MIPEP: variants seen among roughly 807,000 people sequenced by gnomAD.
MIPEP encodes mitochondrial intermediate peptidase.
MIPEP carries 79 observed loss-of-function variants against 90.3 expected under a neutral mutation model. The observed-to-expected ratio is 0.87, with a 90% CI of 0.73 to 1.05. The LOEUF (loss-of-function observed/expected upper bound fraction) is 1.05. Among genes scored for constraint, MIPEP ranks in the 50% least tolerant of loss-of-function variants. The probability of loss-of-function intolerance (pLI) is 0.00; values close to 1 mark genes in which losing one functional copy is unlikely to be tolerated. For missense variants in MIPEP, 940 were observed against 905.6 expected, an observed-to-expected ratio of 1.04 and a Z score of -0.49; for synonymous variants, 334 against 315.8, an observed-to-expected ratio of 1.06 and a Z score of -0.61.
intron 18 of MIPEP, chr13:23,747,487 G>C: frequency 2.1e-6 from 1 of 486,026 alleles, no homozygotes; most frequent in South Asian, 1.5e-5. Context: ...GCAGAACCAA[G>C]CACTGTACTA....
At position 23,874,860 on chromosome 13, in the gene MIPEP, G is replaced by C; in HGVS notation, c.589C>G (p.Leu197Val). 3.1e-6 allele frequency: 5 copies of C among 1,598,720 alleles called. No individual in the cohort carries two copies. The highest frequency in any genetic ancestry group is 3.4e-6 in the Non-Finnish European group (4 of 1,175,116). The change falls in exon 5 of 19, where the codon CTA (leucine) becomes GTA (valine). Residue 197 changes from leucine (L) to valine (V), a missense_variant. Transcript: ENST00000382172. ...MFDFEISGIHLDKEKRKRAVD... is the reference protein window; with the variant it reads ...MFDFEISGIHVDKEKRKRAVD... ...GAAAGATGTACCTTTTCTTTGTCTA[G>C]ATGGATTCCACTAATTTCAAAATCA...
At chr13:23,864,563 C>A (rs1870445772) in intron 7 of MIPEP, among the ~76,000 whole-genome samples, 2 of 151,870 alleles carry the variant, frequency 1.3e-5, no homozygotes, top group Admixed American at 1.3e-4. Flanking sequence ...GGCTGAAACC[C>A]CGTCTCTACC....
chr13:23,889,103 C>CT, intron 1 of MIPEP, 29 bp downstream of exon 1: 1 of 1,387,526 alleles, frequency 7.2e-7, no homozygotes, highest in Non-Finnish European at 9.3e-7. Flanking sequence ...AGCTCGGGGA[C>CT]TGAGGGGAGC....
chr13:23,802,345 C>G (rs928672371), intron 16 of MIPEP, among the ~76,000 whole-genome samples: 1 of 152,128 alleles, frequency 6.6e-6, no homozygotes, highest in Admixed American at 6.5e-5. Context: ...GAGGTGGAAG[C>G]AGGCAGATCA....
At chr13:23,740,166 A>C (rs1952310589) in intron 18 of MIPEP, among the ~76,000 whole-genome samples, 1 of 152,230 alleles carries the variant, frequency 6.6e-6, no homozygotes, top group Non-Finnish European at 1.5e-5. Flanking sequence ...ATCTGGTCCC[A>C]AAACGTCAAC....
At chr13:23,782,232 G>T (rs1331600289) in intron 16 of MIPEP, among the ~76,000 whole-genome samples, 1 of 152,102 alleles carries the variant, frequency 6.6e-6, no homozygotes, top group African/African-American at 2.4e-5. Context: ...AAATGTAAAA[G>T]AACAGAAATT....
chr13:23,835,754 C>T (rs1477169664), intron 14 of MIPEP, among the ~76,000 whole-genome samples: 1 of 152,246 alleles, frequency 6.6e-6, no homozygotes, highest in East Asian at 1.9e-4. Context: ...GAAATTTAAG[C>T]CTTAAAATTA....
rs944604893 is a variant in MIPEP, at chr13:23,809,897, G to A, written c.1681C>T (p.Leu561Phe). Residue 561 changes from leucine (L) to phenylalanine (F), a missense_variant, in exon 15 of 19, where the codon CTT becomes TTT. Physicochemically the swap from Leu to Phe is conservative, Grantham distance 22 (BLOSUM62 0). Transcript: ENST00000382172. The part of the protein sequence containing the change: ...QPLPKNMVSR[L>F]CESKKVCAAA... ...GCACAAACCTTTTTAGATTCACAAA[G>A]ACGAGACACCATATTTTTTGGCAGT... The A allele has an allele frequency of 1.1e-5, 18 of 1,613,492 alleles. No individual in the cohort carries two copies. Among genetic ancestry groups the A allele is most frequent in the Non-Finnish European group, 1.5e-5 (18 of 1,179,650 alleles).
intron 16 of MIPEP, among the ~76,000 whole-genome samples, chr13:23,797,944 T>C (rs1207789173): frequency 6.6e-6 from 1 of 152,218 alleles, no homozygotes; most frequent in East Asian, 1.9e-4. Flanking sequence ...CCAGATATAA[T>C]GATGAATTGG....
At chr13:23,774,628 A>G (rs1952691647) in intron 16 of MIPEP, among the ~76,000 whole-genome samples, 1 of 152,104 alleles carries the variant, frequency 6.6e-6, no homozygotes, top group African/African-American at 2.4e-5. Context: ...TTCTTTTGCT[A>G]AATTTATTCC....
chr13:23,852,022 C>A (rs932037157), intron 10 of MIPEP, among the ~76,000 whole-genome samples: 5 of 152,200 alleles, frequency 3.3e-5, no homozygotes, highest in African/African-American at 1.2e-4. Flanking sequence ...CAAGGAAGCA[C>A]ACAGATAAAT....
chr13:23,880,582 GC>G (rs1871233528), intron 3 of MIPEP, among the ~76,000 whole-genome samples: 1 of 152,202 alleles, frequency 6.6e-6, no homozygotes, highest in South Asian at 2.1e-4. Flanking sequence ...CGAGCAGGCA[GC>G]CCACTGCTGA....
chr13:23,767,555 G>A (rs1593142202), intron 16 of MIPEP, among the ~76,000 whole-genome samples: 1 of 151,746 alleles, frequency 6.6e-6, no homozygotes, highest in East Asian at 1.9e-4. Context: ...AGGTTCAAGC[G>A]ATTCTCCTGC....
chr13:23,771,924 A>C (rs1346862756), intron 16 of MIPEP, among the ~76,000 whole-genome samples: 1 of 152,070 alleles, frequency 6.6e-6, no homozygotes, highest in Non-Finnish European at 1.5e-5. Flanking sequence ...ATTGCCTAAG[A>C]GGTAAAAAGC....
chr13:23,785,703 C>T (rs921191870), intron 16 of MIPEP, among the ~76,000 whole-genome samples: 15 of 150,126 alleles, frequency 1.0e-4, no homozygotes, highest in African/African-American at 3.2e-4. Flanking sequence ...CTAAGAAGAA[C>T]ATATATGATA....
intron 18 of MIPEP, among the ~76,000 whole-genome samples, chr13:23,733,367 G>A (rs1039351798): frequency 2.0e-5 from 3 of 152,136 alleles, no homozygotes; most frequent in Admixed American, 6.5e-5. Context: ...GTGGTCTGGC[G>A]GGTAGAGTAA....
intron 16 of MIPEP, among the ~76,000 whole-genome samples, chr13:23,773,392 TCATGAATAATGCTGTTATGTA>T (rs1316068079): frequency 6.6e-6 from 1 of 152,236 alleles, no homozygotes; most frequent in Non-Finnish European, 1.5e-5. Context: ...TTTTTGACTA[TCATGAATAATGCTGTTATGTA>T]CATTTGTGCA....
At chr13:23,882,491 C>T (rs1234911198) in intron 2 of MIPEP, among the ~76,000 whole-genome samples, 2 of 152,106 alleles carry the variant, frequency 1.3e-5, no homozygotes, top group South Asian at 2.1e-4. Context: ...AATATGAGTT[C>T]GTAGTCTCCA....
chr13:23,759,565 G>C (rs1351802614), intron 17 of MIPEP, among the ~76,000 whole-genome samples: 1 of 151,858 alleles, frequency 6.6e-6, no homozygotes, highest in Non-Finnish European at 1.5e-5. Context: ...ACACCCTCCA[G>C]GAAGCAAGGG....
Sources: allele counts gnomAD v4.1 joint callset (sites outside exome capture counted in the v4.1 genomes callset), GRCh38; gene constraint gnomAD v4.1.1; transcripts MANE v1.5; gene names NCBI Gene and HGNC (gene_info 2026-07-23, HGNC 2026-07-21).